VAT1L: variants seen among roughly 807,000 people sequenced by gnomAD.
VAT1L encodes the protein putative NADPH-dependent quinone oxidoreductase VAT1L.
In VAT1L, 34 loss-of-function variants were observed where a neutral mutation model predicts 44.1. The observed-to-expected ratio is 0.77, with a 90% CI of 0.59 to 1.03. VAT1L has a LOEUF of 1.03. Among genes scored for constraint, VAT1L ranks in the 50% least tolerant of loss-of-function variants. The pLI is 0.00. For missense variants in VAT1L, 615 were observed against 538.8 expected (o/e 1.14, Z -1.40); for synonymous variants, 253 against 202.2 (o/e 1.25, Z -2.13).
chr16:77,821,791 C>A (rs1387828997), intron 2 of VAT1L, among the ~76,000 whole-genome samples: 1 of 151,830 alleles, frequency 6.6e-6, no homozygotes, highest in Non-Finnish European at 1.5e-5. Context: ...AACAGAGATA[C>A]TGACAGCAAT....
intron 1 of VAT1L, among the ~76,000 whole-genome samples, chr16:77,802,621 C>A (rs13333428): frequency 0.12 from 2,973 of 24,398 alleles, 42 homozygotes; most frequent in African/African-American, 0.22. Context: ...CTCAAACACA[C>A]ACACACACAC....
At chr16:77,818,161 G>C (rs547831363) in intron 2 of VAT1L, among the ~76,000 whole-genome samples, 127 of 152,258 alleles carry the variant, frequency 8.3e-4, no homozygotes, top group African/African-American at 2.9e-3. Context: ...ATGCAGGACA[G>C]GAGAGCTAAA....
At chr16:77,817,645 G>A (rs567830755) in intron 2 of VAT1L, among the ~76,000 whole-genome samples, 3 of 152,026 alleles carry the variant, frequency 2.0e-5, no homozygotes, top group African/African-American at 7.2e-5. Context: ...TGGGCAAAAA[G>A]GTTTATTACA....
intron 7 of VAT1L, among the ~76,000 whole-genome samples, chr16:77,960,918 C>G (rs2018153721): frequency 1.3e-5 from 2 of 152,098 alleles, no homozygotes; most frequent in South Asian, 4.1e-4. Context: ...GGGTCACGCG[C>G]TGAGTCTTGA....
chr16:77,911,570 C>A (rs1484839801), intron 7 of VAT1L, among the ~76,000 whole-genome samples: 1 of 152,210 alleles, frequency 6.6e-6, no homozygotes, highest in Admixed American at 6.5e-5. Context: ...TGGCCCTGAG[C>A]CCTCTTGCAG....
chr16:77,933,522 G>A (rs890722248), intron 7 of VAT1L, among the ~76,000 whole-genome samples: 3 of 152,142 alleles, frequency 2.0e-5, no homozygotes, highest in Non-Finnish European at 4.4e-5. Context: ...AAGAAAAATG[G>A]TCAAATAATT....
At chr16:77,943,621 C>T (rs1041339888) in intron 7 of VAT1L, among the ~76,000 whole-genome samples, 1 of 150,806 alleles carries the variant, frequency 6.6e-6, no homozygotes, top group South Asian at 2.1e-4. Context: ...CCAGGATGGT[C>T]TCGATTTCCT....
At chr16:77,861,520 T>C (rs976707419) in intron 3 of VAT1L, among the ~76,000 whole-genome samples, 1 of 152,252 alleles carries the variant, frequency 6.6e-6, no homozygotes, top group African/African-American at 2.4e-5. Flanking sequence ...ATGGATATAA[T>C]AAGCCCCTAA....
At chr16:77,851,775 A>C (rs1455913221) in intron 3 of VAT1L, among the ~76,000 whole-genome samples, 3 of 152,130 alleles carry the variant, frequency 2.0e-5, no homozygotes, top group Non-Finnish European at 2.9e-5. Flanking sequence ...GCTCAGAGAG[A>C]TGAAGTAGCT....
intron 6 of VAT1L, chr16:77,882,204 T>C (rs1236913247): frequency 3.3e-5 from 5 of 152,222 alleles, no homozygotes; most frequent in African/African-American, 4.8e-5. Context: ...TTTCAATGTA[T>C]TCAAGAAGGG....
intron 7 of VAT1L, among the ~76,000 whole-genome samples, chr16:77,921,596 A>T (rs985070692): frequency 2.0e-5 from 3 of 152,140 alleles, no homozygotes; most frequent in African/African-American, 7.2e-5. Context: ...TATCTATTTT[A>T]TCTGTTCCTC....
chr16:77,814,841 C>A (rs912527641), intron 1 of VAT1L, among the ~76,000 whole-genome samples: 2 of 152,118 alleles, frequency 1.3e-5, no homozygotes, highest in Non-Finnish European at 2.9e-5. Flanking sequence ...GTTTTTAACC[C>A]TTTTTTTACG....
intron 7 of VAT1L, among the ~76,000 whole-genome samples, chr16:77,926,579 T>C (rs2017671722): frequency 6.6e-6 from 1 of 151,974 alleles, no homozygotes; most frequent in African/African-American, 2.4e-5. Flanking sequence ...CAAGACTCCA[T>C]CTCAAAAAAA....
intron 4 of VAT1L, among the ~76,000 whole-genome samples, chr16:77,874,839 TAAAAAAAAAAAAA>T (rs769810512): frequency 1.1e-5 from 1 of 87,718 alleles, no homozygotes; most frequent in Non-Finnish European, 2.3e-5. Context: ...AATTAATTTG[TAAAAAAAAAAAAA>T]AAAAAAAAAA....
chr16:77,855,177 T>G (rs535777066), intron 3 of VAT1L, among the ~76,000 whole-genome samples: 5 of 151,986 alleles, frequency 3.3e-5, no homozygotes, highest in African/African-American at 1.2e-4. Flanking sequence ...CCGTCTCTAC[T>G]AAAAATACAA....
intron 8 of VAT1L, 88 bp from the exon 9 acceptor site, chr16:77,977,509 G>T: frequency 7.5e-7 from 1 of 1,337,102 alleles, no homozygotes; most frequent in Admixed American, 2.0e-5. Context: ...TAGCCCCCAA[G>T]AAGTCCTCCC....
At chr16:77,906,321 G>C (rs1402380294) in intron 7 of VAT1L, among the ~76,000 whole-genome samples, 2 of 152,138 alleles carry the variant, frequency 1.3e-5, no homozygotes, top group East Asian at 3.8e-4. Context: ...CACCAGGTCT[G>C]GGGAAAACCA....
intron 7 of VAT1L, among the ~76,000 whole-genome samples, chr16:77,931,651 G>A (rs1296887534): frequency 6.6e-6 from 1 of 152,162 alleles, no homozygotes; most frequent in Non-Finnish European, 1.5e-5. Context: ...TTGTAAGCAT[G>A]GATTGTTGTA....
intron 7 of VAT1L, among the ~76,000 whole-genome samples, chr16:77,905,574 C>T (rs1485119549): frequency 1.3e-5 from 2 of 152,064 alleles, no homozygotes; most frequent in Non-Finnish European, 2.9e-5. Context: ...TTTAAGTGTC[C>T]TCTGTTGTAC....
Sources: allele counts gnomAD v4.1 joint callset (sites outside exome capture counted in the v4.1 genomes callset), GRCh38; gene constraint gnomAD v4.1.1; transcripts MANE v1.5; gene names NCBI Gene and HGNC (gene_info 2026-07-23, HGNC 2026-07-21).